The following VANGL1 variants were observed in gnomAD, a reference collection of about 807,000 sequenced individuals.
VANGL1 encodes vang-like protein 1.
VANGL1 carries 18 observed loss-of-function variants against 48.4 expected under a neutral mutation model. The observed-to-expected ratio is 0.37, with a 90% CI of 0.26 to 0.55. The LOEUF (loss-of-function observed/expected upper bound fraction) is 0.55, where lower values mean the gene tolerates loss of function less well. Among genes scored for constraint, VANGL1 ranks in the 20% least tolerant of loss-of-function variants. VANGL1 has a pLI of 0.81. For missense variants in VANGL1, 667 were observed against 675.8 expected (o/e 0.99, Z 0.14); for synonymous variants, 257 against 261.8 (o/e 0.98, Z 0.18).
chr1:115,680,032 A>AT (rs1557773494), intron 4 of VANGL1, among the ~76,000 whole-genome samples: 1,539 of 144,378 alleles, frequency 0.011, 14 homozygotes, highest in East Asian at 0.068. Context: ...TATGTGAGAG[A>AT]GAGAGAGAGA....
chr1:115,665,976 G>A (rs4440851), intron 4 of VANGL1, among the ~76,000 whole-genome samples: 1 of 152,042 alleles, frequency 6.6e-6, no homozygotes, highest in Non-Finnish European at 1.5e-5. Flanking sequence ...CAGGCCTGGG[G>A]GTATAGGTGA....
rs771312696 is a variant in VANGL1 at position 115,685,465 on chromosome 1, C to T, written c.1252C>T (p.His418Tyr). Residue 418 changes from histidine (H) to tyrosine (Y), a missense_variant, in exon 7 of 8, where the codon CAC becomes TAC. By Grantham distance (83) the His-to-Tyr change is moderately conservative. Coordinates refer to ENST00000355485, the MANE Select transcript of VANGL1 (RefSeq NM_138959.3). ...GCGCATCACCCGGCAGCAGAACTAC[C>T]ACAGCATGGAGAGCATCCTGCAGCA... ...YLRITRQQNYHSMESILQHLA... is the reference protein window; with the variant it reads ...YLRITRQQNYYSMESILQHLA... 1.2e-6 allele frequency: 2 copies of T among 1,614,174 alleles called. No individual in the cohort carries two copies. Among genetic ancestry groups the T allele is most frequent in the East Asian group, 2.2e-5 (1 of 44,876 alleles).
intron 4 of VANGL1, among the ~76,000 whole-genome samples, chr1:115,673,963 A>G (rs113355262): frequency 6.6e-6 from 1 of 152,134 alleles, no homozygotes; most frequent in Non-Finnish European, 1.5e-5. Flanking sequence ...ATCTGCAAAG[A>G]CCCTGTGTCC....
intron 1 of VANGL1, among the ~76,000 whole-genome samples, chr1:115,651,043 C>T (rs1431570418): frequency 6.6e-6 from 1 of 152,060 alleles, no homozygotes; most frequent in African/African-American, 2.4e-5. Flanking sequence ...TCCCATTTTC[C>T]TGCTGCTGTG....
intron 4 of VANGL1, among the ~76,000 whole-genome samples, chr1:115,678,697 T>A (rs1472722449): frequency 2.0e-5 from 3 of 152,198 alleles, no homozygotes; most frequent in African/African-American, 7.2e-5. Context: ...GGCTCACACC[T>A]GTAGTTCCAG....
intron 4 of VANGL1, chr1:115,671,180 C>T (rs1025013151): frequency 6.6e-6 from 1 of 152,366 alleles, no homozygotes; most frequent in Non-Finnish European, 1.5e-5. Context: ...CCTGAGGGCC[C>T]CTGGCCCCTG....
rs1401189139 is a variant in VANGL1 at position 115,694,211 on chromosome 1, C to T, written c.*2832C>T. On this transcript the variant is annotated 3_prime_UTR_variant, in exon 8 of 8. Coordinates refer to ENST00000355485, the MANE Select transcript of VANGL1 (RefSeq NM_138959.3). ...AAAATGTTAAGTCAAATCTGTAATACTTTGGCTAAAATTCATAAAGTAAGC... is the reference window on the plus strand; with the variant it reads ...AAAATGTTAAGTCAAATCTGTAATATTTTGGCTAAAATTCATAAAGTAAGC... 3 of 152,204 alleles carry T rather than the reference C, an allele frequency of 2.0e-5. No homozygotes were observed. Among genetic ancestry groups the T allele is most frequent in the Admixed American group, 6.5e-5 (1 of 15,276 alleles). 9.4% of individuals were successfully genotyped at this position (152,204 alleles called of 1,614,324 possible). A position where few individuals can be genotyped will look rare whatever the true frequency, so the allele number is the denominator to read the frequency against.
At chr1:115,660,781 A>G (rs1652518194) in intron 3 of VANGL1, among the ~76,000 whole-genome samples, 1 of 152,236 alleles carries the variant, frequency 6.6e-6, no homozygotes, top group Non-Finnish European at 1.5e-5. Flanking sequence ...GTGGACTGAA[A>G]CTGGAATTCC....
intron 2 of VANGL1, among the ~76,000 whole-genome samples, chr1:115,655,489 C>T (rs1179554034): frequency 2.0e-5 from 3 of 152,178 alleles, no homozygotes; most frequent in African/African-American, 2.4e-5. Flanking sequence ...TCACACAACA[C>T]GCACAGATAT....
chr1:115,668,334 T>C (rs997182962), intron 4 of VANGL1, among the ~76,000 whole-genome samples: 1 of 152,250 alleles, frequency 6.6e-6, no homozygotes, highest in African/African-American at 2.4e-5. Flanking sequence ...CCTGTTTCAC[T>C]TAACACAGAG....
chr1:115,656,613 TG>T (rs1263938694), intron 2 of VANGL1, among the ~76,000 whole-genome samples: 2 of 152,228 alleles, frequency 1.3e-5, no homozygotes, highest in African/African-American at 4.8e-5. Context: ...AAACCTTGCT[TG>T]GGTTATCAGA....
Position 115,697,756 on chromosome 1 carries a change from A to G in VANGL1, c.*6377A>G, listed in dbSNP as rs1022593317. The G allele has an allele frequency of 6.6e-6, 1 of 152,238 alleles. No homozygotes were observed. Among genetic ancestry groups the G allele is most frequent in the Non-Finnish European group, 1.5e-5 (1 of 68,048 alleles). 9.4% of individuals were successfully genotyped at this position (152,238 alleles called of 1,614,324 possible). ...AGATGAAACCACCTGTCTTTACCTG[A>G]CAGAGTCATAACGGTTTGTGTAAAA... On this transcript the variant is annotated 3_prime_UTR_variant, in exon 8 of 8. Transcript: ENST00000355485.
chr1:115,662,693 C>G (rs932478623), intron 3 of VANGL1, among the ~76,000 whole-genome samples: 2 of 152,152 alleles, frequency 1.3e-5, no homozygotes, highest in Admixed American at 1.3e-4. Flanking sequence ...TACACGGATT[C>G]CTGGATTTGC....
intron 2 of VANGL1, among the ~76,000 whole-genome samples, chr1:115,655,054 G>T (rs1323325966): frequency 6.6e-6 from 1 of 152,204 alleles, no homozygotes; most frequent in African/African-American, 2.4e-5. Context: ...GAGGGCCGCC[G>T]GGGCAGTGAG....
chr1:115,672,629 A>C (rs1653021939), intron 4 of VANGL1, among the ~76,000 whole-genome samples: 1 of 152,198 alleles, frequency 6.6e-6, no homozygotes, highest in African/African-American at 2.4e-5. Flanking sequence ...AGTAAACATG[A>C]GCTAATTCCA....
At chr1:115,663,389 A>G (rs1448263007) in intron 3 of VANGL1, among the ~76,000 whole-genome samples, 1 of 152,212 alleles carries the variant, frequency 6.6e-6, no homozygotes, top group African/African-American at 2.4e-5. Flanking sequence ...GGGGATGATA[A>G]TCAATGTTAT....
intron 6 of VANGL1, 60 bp downstream of exon 6, chr1:115,684,136 A>G: frequency 7.5e-7 from 1 of 1,333,086 alleles, no homozygotes; most frequent in Non-Finnish European, 9.8e-7. Flanking sequence ...TATTTTATTT[A>G]TTTATTTATT....
chr1:115,683,845 G>A, intron 5 of VANGL1, 99 bp from the exon 6 acceptor site: 4 of 1,476,586 alleles, frequency 2.7e-6, no homozygotes, highest in Admixed American at 1.7e-5. Flanking sequence ...GTTCCATAGG[G>A]GGTGGGTAGA....
rs1305697022 is a variant in VANGL1 at position 115,691,099 on chromosome 1, C to A, written c.1315-20C>A. On this transcript the variant is annotated intron_variant, in intron 7 of 7. Transcript: ENST00000355485. ...AAACAGGCTGTTTCTTCCCTAATGG[C>A]CTTTCTCCTCTGCTTCCAGGCCTTC... The A allele has an allele frequency of 3.7e-6, 6 of 1,614,136 alleles. No homozygotes were observed. The highest frequency in any genetic ancestry group is 5.1e-6 in the Non-Finnish European group (6 of 1,180,032).
Sources: allele counts gnomAD v4.1 joint callset (sites outside exome capture counted in the v4.1 genomes callset), GRCh38; gene constraint gnomAD v4.1.1; transcripts MANE v1.5; gene names NCBI Gene and HGNC (gene_info 2026-07-23, HGNC 2026-07-21).